Variants in PHLPP1 observed in about 807,000 individuals in gnomAD.
PHLPP1 encodes PH domain and leucine rich repeat protein phosphatase 1, also known as PH domain leucine-rich repeat-containing protein phosphatase 1.
A neutral mutation model predicts 117.2 loss-of-function variants in PHLPP1; 42 were observed. That is an observed-to-expected ratio of 0.36 (90% CI 0.28 to 0.46). The LOEUF is 0.46. PHLPP1 is among the 20% of genes least tolerant of loss of function. The pLI is 1.00. For synonymous variants in PHLPP1, 1,042 were observed against 970.7 expected (o/e 1.07, Z -1.37); for missense variants, 2,084 against 2,241.9 (o/e 0.93, Z 1.42).
chr18:62,871,989 T>C (rs1022139539), intron 4 of PHLPP1, among the ~76,000 whole-genome samples: 12 of 152,074 alleles, frequency 7.9e-5, no homozygotes, highest in Non-Finnish European at 1.6e-4. Context: ...ATTAAGGATG[T>C]ATAGGGAGGA....
intron 3 of PHLPP1, among the ~76,000 whole-genome samples, chr18:62,847,335 C>T (rs138113586): frequency 2.3e-3 from 345 of 152,134 alleles, no homozygotes; most frequent in Non-Finnish European, 3.4e-3. Flanking sequence ...GTGCCAGGCA[C>T]TAGGCTCCAT....
chr18:62,965,898 C>T lies in PHLPP1; in HGVS notation c.3560+2426C>T, dbSNP rs78301001. ...ACTGTATTTTTTTTTCTCTTTCATA[C>T]TACCTCATTCCAATTAGCAAGGGGA... On this transcript the variant is annotated intron_variant, in intron 14 of 16. Transcript: ENST00000262719. Among the ~76,000 whole-genome samples, 262 of 149,700 alleles carry T rather than the reference C, an allele frequency of 1.8e-3. 6 individuals are homozygous for T. In the East Asian group the frequency reaches 0.047, roughly 27 times the overall value.
chr18:62,894,907 T>C (rs1916513010), intron 4 of PHLPP1, 104 bp from the exon 5 acceptor site: 1 of 969,550 alleles, frequency 1.0e-6, no homozygotes, highest in Non-Finnish European at 1.5e-6. Flanking sequence ...TCCTCTTTAG[T>C]TGAATTTGGG....
chr18:62,735,943 TATA>T (rs952421134), intron 1 of PHLPP1, among the ~76,000 whole-genome samples: 13 of 151,524 alleles, frequency 8.6e-5, no homozygotes, highest in South Asian at 2.1e-4. Flanking sequence ...AAACTTAAAG[TATA>T]ATAATAATAA....
chr18:62,897,837 T>C (rs1212019194), intron 6 of PHLPP1, among the ~76,000 whole-genome samples: 2 of 152,226 alleles, frequency 1.3e-5, no homozygotes, highest in Non-Finnish European at 2.9e-5. Flanking sequence ...AAATCAAAGC[T>C]AGTGGAGTAA....
chr18:62,938,607 G>T (rs780609173), intron 10 of PHLPP1, among the ~76,000 whole-genome samples: 1 of 152,172 alleles, frequency 6.6e-6, no homozygotes, highest in African/African-American at 2.4e-5. Flanking sequence ...ATGCAGTTCA[G>T]ATGATGTCCT....
In PHLPP1 at chr18:62,969,050, T is replaced by G. The variant is rs1910981576; in HGVS notation, c.3561-3464T>G. Among the ~76,000 whole-genome samples, 5 of 151,990 alleles carry G rather than the reference T, an allele frequency of 3.3e-5. No homozygotes were observed. In the South Asian group the frequency reaches 1.0e-3, roughly 32 times the overall value. On this transcript the variant is annotated intron_variant, in intron 14 of 16. Coordinates refer to ENST00000262719, the MANE Select transcript of PHLPP1 (RefSeq NM_194449.4). Reference sequence around the variant, plus strand: ...TATGTTTTAATTTTTGTTTTATGGGTTTTTTGGGTTTTTTTGTTTGTTTTG... The same window carrying G: ...TATGTTTTAATTTTTGTTTTATGGGGTTTTTGGGTTTTTTTGTTTGTTTTG...
chr18:62,830,603 CTG>C (rs931832441), intron 2 of PHLPP1, among the ~76,000 whole-genome samples: 27 of 152,228 alleles, frequency 1.8e-4, no homozygotes, highest in Admixed American at 1.8e-3. Context: ...TGAGCCATTT[CTG>C]TGATATGGGG....
intron 10 of PHLPP1, among the ~76,000 whole-genome samples, chr18:62,923,798 C>G (rs1300634077): frequency 6.6e-6 from 1 of 152,036 alleles, no homozygotes; most frequent in African/African-American, 2.4e-5. Flanking sequence ...CTAGTACTGA[C>G]AGTTGTTGAA....
intron 6 of PHLPP1, among the ~76,000 whole-genome samples, chr18:62,901,856 C>G (rs1400907527): frequency 6.6e-6 from 1 of 151,940 alleles, no homozygotes; most frequent in African/African-American, 2.4e-5. Flanking sequence ...TCTCGAACTC[C>G]TGACCTCGTG....
chr18:62,954,126 G>A (rs1342505121), intron 12 of PHLPP1, among the ~76,000 whole-genome samples: 1 of 152,084 alleles, frequency 6.6e-6, no homozygotes, highest in Non-Finnish European at 1.5e-5. Context: ...TTATCTAAAT[G>A]TGTTTGTAAT....
chr18:62,727,406 C>T (rs1019774115), intron 1 of PHLPP1, among the ~76,000 whole-genome samples: 6 of 151,874 alleles, frequency 4.0e-5, no homozygotes, highest in East Asian at 1.9e-4. Context: ...CTGAGGAGTT[C>T]GAGACCAGCC....
chr18:62,923,547 A>G (rs894454704), intron 10 of PHLPP1, among the ~76,000 whole-genome samples: 2 of 152,132 alleles, frequency 1.3e-5, no homozygotes, highest in Non-Finnish European at 2.9e-5. Flanking sequence ...TTTTAAACCT[A>G]TTTTTGTATT....
chr18:62,760,850 C>T (rs1294338778), intron 1 of PHLPP1, among the ~76,000 whole-genome samples: 4 of 152,080 alleles, frequency 2.6e-5, no homozygotes, highest in Non-Finnish European at 5.9e-5. Context: ...GTCTCCCTGG[C>T]ATTATTTTGT....
chr18:62,716,102 C>A lies in PHLPP1; in HGVS notation c.419C>A (p.Ser140Ter). The A allele has an allele frequency of 6.6e-7, 1 of 1,504,328 alleles. No homozygotes were observed. The highest frequency in any genetic ancestry group is 8.8e-7 in the Non-Finnish European group (1 of 1,134,468). The allele number at this position is 1,504,328 out of a possible 1,614,324, so 93.2% of individuals were successfully genotyped here. A position where few individuals can be genotyped will look rare whatever the true frequency, so the allele number is the denominator to read the frequency against. The change falls in exon 1 of 17, where the codon TCG (serine) becomes TAG (stop). Residue 140 changes from serine (S) to a stop codon, truncating the protein, a stop_gained. Coordinates refer to ENST00000262719, the MANE Select transcript of PHLPP1 (RefSeq NM_194449.4). LOFTEE classifies it high-confidence loss of function. This position sits in a 1 kb window ranked among gnomAD's most constrained non-coding sequence, Gnocchi z 5.7. ...GCGGCCGCCGCGGCCGCCTCCTCGT[C>A]GTCGTCGTCCTCGGCCGCTGCTGCC... ...LSAAAAAASS[S>*]SSSSAAAASH...
chr18:62,740,029 G>A (rs959531005), intron 1 of PHLPP1, among the ~76,000 whole-genome samples: 7 of 152,122 alleles, frequency 4.6e-5, no homozygotes, highest in Non-Finnish European at 8.8e-5. Context: ...ACAAAGGAGA[G>A]GTGGAGGAGC....
In PHLPP1 at chr18:62,903,116, C is replaced by G. The variant is rs1397304781; in HGVS notation, c.2597C>G (p.Thr866Arg). The G allele has an allele frequency of 6.2e-7, 1 of 1,613,674 alleles. No individual in the cohort carries two copies. The highest frequency in any genetic ancestry group is 2.2e-5 in the East Asian group (1 of 44,862). The change falls in exon 7 of 17, where the codon ACA becomes AGA. Residue 866 changes from threonine (T) to arginine (R), a missense_variant. Physicochemically the swap from Thr to Arg is moderately conservative, Grantham distance 71 (BLOSUM62 -1). Coordinates refer to ENST00000262719, the MANE Select transcript of PHLPP1 (RefSeq NM_194449.4). ...CACTGTGAAAGGAATCAACTGGTCACATTAGACATCTGTGGCTATTTCCTA... is the reference window on the plus strand; with the variant it reads ...CACTGTGAAAGGAATCAACTGGTCAGATTAGACATCTGTGGCTATTTCCTA... ...VLHCERNQLV[T>R]LDICGYFLKA... is the part of the protein sequence containing the mutation.
Position 62,895,036 on chromosome 18 carries a change from CT to C in PHLPP1, c.2095del (p.Ser699ProfsTer5). 6.2e-7 allele frequency: 1 copy of C among 1,611,288 alleles called. No individual in the cohort carries two copies. The highest frequency in any genetic ancestry group is 8.5e-7 in the Non-Finnish European group (1 of 1,178,326). On this transcript the variant is annotated frameshift_variant, in exon 5 of 17. Transcript: ENST00000262719. LOFTEE classifies it high-confidence loss of function. ...QRFTKLKSLN[L>X]SNNHLGDFPL... ...GTTCACCAAGTTGAAGAGTCTTAAC[CT>C]TTCCAATAATCATTTAGGGGACTTC...
chr18:62,895,275 A>C lies in PHLPP1; in HGVS notation c.2213+118A>C, dbSNP rs181960229. 5.0e-5 allele frequency: 50 copies of C among 1,001,220 alleles called. No individual in the cohort carries two copies. In the African/African-American group the frequency reaches 7.4e-4, roughly 15 times the overall value. The allele number at this position is 1,001,220 out of a possible 1,614,324, so 62.0% of individuals were successfully genotyped here. A position where few individuals can be genotyped will look rare whatever the true frequency, so the allele number is the denominator to read the frequency against. Reference sequence around the variant, plus strand: ...GTTGCTCATGTAAGTCTTGGCCCCAAATCAAGAGATCAGGGACTATGTAGT... The same window carrying C: ...GTTGCTCATGTAAGTCTTGGCCCCACATCAAGAGATCAGGGACTATGTAGT... On this transcript the variant is annotated intron_variant, in intron 5 of 16. Coordinates refer to ENST00000262719, the MANE Select transcript of PHLPP1 (RefSeq NM_194449.4).
Sources: gnomAD v4.1 joint callset for allele counts (sites outside exome capture counted in the v4.1 genomes callset) on GRCh38, gnomAD v4.1.1 for gene constraint, Gnocchi (gnomAD v3.1) non-coding constraint, MANE v1.5 for transcripts, NCBI Gene and HGNC (gene_info 2026-07-23, HGNC 2026-07-21) for gene names.